CCDC73: variants seen among roughly 807,000 people sequenced by gnomAD.
The protein encoded by CCDC73 is coiled-coil domain-containing protein 73.
Under a neutral mutation model 116.5 loss-of-function variants are expected in CCDC73, and 95 were observed. That is an observed-to-expected ratio of 0.82 (90% CI 0.69 to 0.97). The LOEUF (loss-of-function observed/expected upper bound fraction) is 0.97. Among genes scored for constraint, CCDC73 ranks in the 50% least tolerant of loss-of-function variants. The pLI is 0.00. For synonymous variants in CCDC73, 398 were observed against 401.3 expected (o/e 0.99, Z 0.10); for missense variants, 1,066 against 1,206.8 (o/e 0.88, Z 1.73).
Position 32,718,108 on chromosome 11 carries a change from T to C in CCDC73, c.175A>G (p.Ile59Val). 6.2e-7 allele frequency: 1 copy of C among 1,608,942 alleles called. No individual in the cohort carries two copies. Among genetic ancestry groups the C allele is most frequent in the Non-Finnish European group, 8.5e-7 (1 of 1,178,248 alleles). Residue 59 changes from isoleucine to valine, a missense_variant, in exon 3 of 18, where the codon ATT becomes GTT. Coordinates refer to ENST00000335185, the MANE Select transcript of CCDC73 (RefSeq NM_001008391.4). ...CATTTAAGTTCCTGTGTCTCCACAA[T>C]AATTTTACCAATCTGCTCTTCATAA... is the stretch of plus-strand genomic sequence containing the variant. The part of the protein sequence containing the change: ...IHYEEQIGKI[I>V]VETQELKWQK...
chr11:32,799,409 T>C (rs1850752686), upstream of CCDC73, among the ~76,000 whole-genome samples: 1 of 151,868 alleles, frequency 6.6e-6, no homozygotes, highest in Non-Finnish European at 1.5e-5. Context: ...TTGTATTTAT[T>C]TGTATAGACA....
chr11:32,694,570 T>G lies in CCDC73; in HGVS notation c.390+4681A>C, dbSNP rs541236635. Among the ~76,000 whole-genome samples the G allele has an allele frequency of 2.0e-5, 3 of 152,298 alleles. No individual in the cohort carries two copies. The East Asian group carries it at 5.8e-4, about 29-fold the overall frequency. On this transcript the variant is annotated intron_variant, in intron 6 of 17. Coordinates refer to ENST00000335185, the MANE Select transcript of CCDC73 (RefSeq NM_001008391.4). ...GTAACAAACCTGCACATTGTGCACATGTACCTTAGAACTTAAAGTATAATT... is the reference window on the plus strand; with the variant it reads ...GTAACAAACCTGCACATTGTGCACAGGTACCTTAGAACTTAAAGTATAATT...
At chr11:32,660,490 T>C (rs1855913317) in intron 9 of CCDC73, among the ~76,000 whole-genome samples, 1 of 151,984 alleles carries the variant, frequency 6.6e-6, no homozygotes, top group South Asian at 2.1e-4. Context: ...ATTATACATA[T>C]ATAAAACAGG....
intron 2 of CCDC73, among the ~76,000 whole-genome samples, chr11:32,757,822 G>A (rs1850356801): frequency 6.6e-6 from 1 of 151,924 alleles, no homozygotes; most frequent in Non-Finnish European, 1.5e-5. Flanking sequence ...GAGTACTCTG[G>A]GCCCATTCGA....
chr11:32,731,885 A>T (rs932662175), intron 2 of CCDC73, among the ~76,000 whole-genome samples: 1 of 152,262 alleles, frequency 6.6e-6, no homozygotes, highest in Non-Finnish European at 1.5e-5. Flanking sequence ...GCTCCTCGCC[A>T]GCAAAGGAAC....
At chr11:32,737,508 T>C (rs1453586871) in intron 2 of CCDC73, among the ~76,000 whole-genome samples, 1 of 151,860 alleles carries the variant, frequency 6.6e-6, no homozygotes, top group Non-Finnish European at 1.5e-5. Flanking sequence ...ATCCCAGCTA[T>C]TCAGGAGGCT....
chr11:32,751,753 C>A (rs1054645941), intron 2 of CCDC73, among the ~76,000 whole-genome samples: 1 of 152,212 alleles, frequency 6.6e-6, no homozygotes, highest in African/African-American at 2.4e-5. Context: ...ACTGTGATCA[C>A]TTCATTTTTG....
chr11:32,638,465 T>A (rs556955410), intron 13 of CCDC73, among the ~76,000 whole-genome samples: 8 of 152,194 alleles, frequency 5.3e-5, no homozygotes, highest in African/African-American at 1.9e-4. Flanking sequence ...CCTCCATGAT[T>A]GTTCTATTTC....
At chr11:32,640,510 G>A (rs921048446) in intron 13 of CCDC73, among the ~76,000 whole-genome samples, 1 of 152,064 alleles carries the variant, frequency 6.6e-6, no homozygotes, top group Non-Finnish European at 1.5e-5. Context: ...AAACACTGGG[G>A]ATGAAAAGAA....
At chr11:32,668,260 T>C (rs1007402853) in intron 9 of CCDC73, among the ~76,000 whole-genome samples, 3 of 152,306 alleles carry the variant, frequency 2.0e-5, no homozygotes, top group Non-Finnish European at 1.5e-5. Context: ...TATTTAAGTA[T>C]TCCTTTATGT....
At chr11:32,725,600 C>G (rs1400953014) in intron 2 of CCDC73, among the ~76,000 whole-genome samples, 1 of 152,128 alleles carries the variant, frequency 6.6e-6, no homozygotes, top group Non-Finnish European at 1.5e-5. Context: ...TTCATTTCAG[C>G]TAACTTATTA....
At chr11:32,815,735 C>T in the CCDC73 span, among the ~76,000 whole-genome samples, 1 of 152,204 alleles carries the variant, frequency 6.6e-6, no homozygotes, top group Non-Finnish European at 1.5e-5. Flanking sequence ...CTCACCCAAA[C>T]CTGCCACCTT....
intron 3 of CCDC73, among the ~76,000 whole-genome samples, chr11:32,715,153 CT>C (rs1309869517): frequency 6.6e-5 from 10 of 152,104 alleles, no homozygotes; most frequent in African/African-American, 2.4e-4. Context: ...AATCCAGCCC[CT>C]TAAGTGAGTA....
intron 14 of CCDC73, among the ~76,000 whole-genome samples, chr11:32,616,849 T>C (rs550498154): frequency 2.0e-5 from 3 of 152,262 alleles, no homozygotes; most frequent in African/African-American, 7.2e-5. Context: ...TAATAGGATG[T>C]GGTAAGTGCT....
At chr11:32,649,797 T>C (rs1855810517) in intron 12 of CCDC73, among the ~76,000 whole-genome samples, 1 of 152,212 alleles carries the variant, frequency 6.6e-6, no homozygotes, top group South Asian at 2.1e-4. Context: ...ATATGTTTGA[T>C]GTTAAAATGT....
chr11:32,798,915 T>TTTTG (rs1554971669), upstream of CCDC73, among the ~76,000 whole-genome samples: 2 of 143,184 alleles, frequency 1.4e-5, no homozygotes, highest in Non-Finnish European at 1.5e-5. Context: ...TTGTTTGTTT[T>TTTTG]GGGGGGGGGC....
Position 32,653,368 on chromosome 11 carries a change from C to T in CCDC73, c.835-141G>A, listed in dbSNP as rs1855843891. ...AATACTTTATATTAAACTAATGGCA[C>T]ATCTAATGGTATCTAAAATTTCTAT... On this transcript the variant is annotated intron_variant, in intron 11 of 17. Transcript: ENST00000335185. 6.3e-6 allele frequency: 3 copies of T among 479,340 alleles called. No homozygotes were observed. The South Asian group carries it at 1.3e-4, about 20-fold the overall frequency. 29.7% of individuals were successfully genotyped at this position (479,340 alleles called of 1,614,324 possible).
At position 32,699,269 on chromosome 11, in the gene CCDC73, T is replaced by G. The variant is rs1240382488; in HGVS notation, c.372A>C (p.Glu124Asp). Reference protein sequence around the residue: ...IKEKEIEGLKETLKALQVSKY... With the variant: ...IKEKEIEGLKDTLKALQVSKY... ...TTTTTACCTGTAGTGCTTTTAATGTTTCCTTCAATCCTTCTATTTCTTTTT... is the reference window on the plus strand; with the variant it reads ...TTTTTACCTGTAGTGCTTTTAATGTGTCCTTCAATCCTTCTATTTCTTTTT... Residue 124 changes from glutamate to aspartate, a missense_variant, in exon 6 of 18, where the codon GAA (glutamate) becomes GAC (aspartate). Physicochemically the swap from Glu to Asp is conservative, Grantham distance 45. Transcript: ENST00000335185. The G allele has an allele frequency of 6.3e-6, 10 of 1,582,950 alleles. No individual in the cohort carries two copies. The Admixed American group carries it at 1.7e-4, about 27-fold the overall frequency.
chr11:32,618,937 G>A (rs1313299615), intron 14 of CCDC73, among the ~76,000 whole-genome samples: 1 of 152,106 alleles, frequency 6.6e-6, no homozygotes, highest in African/African-American at 2.4e-5. Context: ...GATTAGTGAT[G>A]TTGAACATTT....
Sources: allele counts gnomAD v4.1 joint callset (sites outside exome capture counted in the v4.1 genomes callset), GRCh38; gene constraint gnomAD v4.1.1; transcripts MANE v1.5; gene names NCBI Gene and HGNC (gene_info 2026-07-23, HGNC 2026-07-21).